SLC36A1: variants seen among roughly 807,000 people sequenced by gnomAD.
SLC36A1 encodes the protein solute carrier family 36 member 1.
Under a neutral mutation model 47.5 loss-of-function variants are expected in SLC36A1, and 30 were observed. The observed-to-expected ratio is 0.63, with a 90% CI of 0.47 to 0.86. SLC36A1 has a LOEUF of 0.86. SLC36A1 is among the 40% of genes least tolerant of loss of function. The probability of loss-of-function intolerance (pLI) is 0.00; values close to 1 mark genes in which losing one functional copy is unlikely to be tolerated. For missense variants in SLC36A1, 517 were observed against 606.0 expected (o/e 0.85, Z 1.54); for synonymous variants, 255 against 249.7 (o/e 1.02, Z -0.20).
chr5:151,356,876 G>A, the SLC36A1 span, among the ~76,000 whole-genome samples: 1 of 152,022 alleles, frequency 6.6e-6, no homozygotes, highest in Non-Finnish European at 1.5e-5. Flanking sequence ...ATTCCTTATT[G>A]TGGATCAATA....
intron 8 of SLC36A1, among the ~76,000 whole-genome samples, 182 bp downstream of exon 8, chr5:151,473,953 A>C (rs557840052): frequency 5.9e-5 from 9 of 152,060 alleles, no homozygotes; most frequent in African/African-American, 2.2e-4. Context: ...TGAGGTCAGG[A>C]GTTCGAAACC....
the SLC36A1 span, among the ~76,000 whole-genome samples, chr5:151,361,669 A>G: frequency 9.7e-3 from 1,474 of 152,304 alleles, 30 homozygotes; most frequent in African/African-American, 0.034. Context: ...TACTTTTATC[A>G]GTAGGTTTTA....
At chr5:151,372,448 T>A in the SLC36A1 span, among the ~76,000 whole-genome samples, 2,294 of 148,846 alleles carry the variant, frequency 0.015, 42 homozygotes, top group African/African-American at 0.046. Flanking sequence ...CATTAAAAAT[T>A]TTTTTTTTTT....
chr5:151,464,866 C>A (rs1239803925), intron 4 of SLC36A1, among the ~76,000 whole-genome samples: 1 of 152,168 alleles, frequency 6.6e-6, no homozygotes, highest in Admixed American at 6.5e-5. Flanking sequence ...TGAAATGATT[C>A]TACCAGATGG....
chr5:151,488,396 C>T lies in SLC36A1; in HGVS notation c.*142C>T, dbSNP rs1426048551. 8.8e-7 allele frequency: 1 copy of T among 1,134,014 alleles called. No individual in the cohort carries two copies. Among genetic ancestry groups the T allele is most frequent in the African/African-American group, 1.6e-5 (1 of 63,530 alleles). The allele number at this position is 1,134,014 out of a possible 1,614,324, so 70.2% of individuals were successfully genotyped here. A position where few individuals can be genotyped will look rare whatever the true frequency, so the allele number is the denominator to read the frequency against. ...ACCCCTCTGCCTGGCACCTGGATAC[C>T]CTGGGCCAGGTAACCTGAGGGCAGG... On this transcript the variant is annotated 3_prime_UTR_variant, in exon 11 of 11. Transcript: ENST00000243389.
chr5:151,494,161 G>T (rs1391881714), downstream of SLC36A1, among the ~76,000 whole-genome samples: 2 of 152,082 alleles, frequency 1.3e-5, no homozygotes, highest in African/African-American at 4.8e-5. Flanking sequence ...ACTGAATTTG[G>T]ACCCTAAGCC....
At chr5:151,358,558 C>T in the SLC36A1 span, among the ~76,000 whole-genome samples, 1 of 152,198 alleles carries the variant, frequency 6.6e-6, no homozygotes, top group Non-Finnish European at 1.5e-5. Flanking sequence ...CACTTCTCAT[C>T]TGGTGCTTGT....
the SLC36A1 span, chr5:151,521,255 T>C: frequency 6.3e-7 from 1 of 1,578,660 alleles, no homozygotes; most frequent in Non-Finnish European, 8.6e-7. Flanking sequence ...TGCTCGTCCC[T>C]AGGGAAGATG....
the SLC36A1 span, among the ~76,000 whole-genome samples, chr5:151,369,992 G>A: frequency 6.6e-6 from 1 of 151,498 alleles, no homozygotes; most frequent in East Asian, 1.9e-4. Context: ...ATGGGGTTGG[G>A]GTTTTCCCAT....
At chr5:151,518,811 C>A in the SLC36A1 span, among the ~76,000 whole-genome samples, 1 of 152,200 alleles carries the variant, frequency 6.6e-6, no homozygotes, top group East Asian at 1.9e-4. Flanking sequence ...TTCTGTTGAA[C>A]CCCCTTTGGG....
At chr5:151,460,856 G>A (rs1755400963) in intron 2 of SLC36A1, among the ~76,000 whole-genome samples, 2 of 149,376 alleles carry the variant, frequency 1.3e-5, no homozygotes, top group Non-Finnish European at 3.0e-5. Flanking sequence ...CAAAATACAT[G>A]GAAGTACTTC....
At chr5:151,466,029 A>G (rs1756317256) in intron 5 of SLC36A1, among the ~76,000 whole-genome samples, 1 of 151,838 alleles carries the variant, frequency 6.6e-6, no homozygotes, top group Non-Finnish European at 1.5e-5. Flanking sequence ...ACTTTCATTC[A>G]TAGTCACCTT....
chr5:151,540,752 GGGGGTCTCC>G, the SLC36A1 span: 1 of 1,613,776 alleles, frequency 6.2e-7, no homozygotes, highest in South Asian at 1.1e-5. Context: ...AACTGGCCCA[GGGGGTCTCC>G]CTCTAAACAG....
intron 4 of SLC36A1, among the ~76,000 whole-genome samples, 166 bp from the exon 5 acceptor site, chr5:151,464,908 C>T (rs1756114476): frequency 6.6e-6 from 1 of 152,108 alleles, no homozygotes. Flanking sequence ...ACCATCCTGT[C>T]GACTGAATAC....
At chr5:151,348,605 T>G in the SLC36A1 span, among the ~76,000 whole-genome samples, 2 of 152,240 alleles carry the variant, frequency 1.3e-5, no homozygotes. Flanking sequence ...CAATTTTGAA[T>G]GGACAATTTT....
chr5:151,531,017 C>T, the SLC36A1 span, among the ~76,000 whole-genome samples: 1 of 152,196 alleles, frequency 6.6e-6, no homozygotes, highest in African/African-American at 2.4e-5. This position sits in a 1 kb window ranked among gnomAD's most constrained non-coding sequence, Gnocchi z 5.7. Context: ...ACAGGCTGAC[C>T]TGGGTGGCCT....
At chr5:151,369,731 C>T in the SLC36A1 span, among the ~76,000 whole-genome samples, 1 of 152,244 alleles carries the variant, frequency 6.6e-6, no homozygotes, top group Non-Finnish European at 1.5e-5. Context: ...ATCCTCTCAC[C>T]TCAGCCTACC....
rs371200731 is a variant in SLC36A1, at chr5:151,488,189, C to G, written c.1366C>G (p.Leu456Val). Residue 456 changes from leucine to valine, a missense_variant, in exon 11 of 11, where the codon CTC (leucine) becomes GTC (valine). Physicochemically the swap from Leu to Val is conservative, Grantham distance 32. Coordinates refer to ENST00000243389, the MANE Select transcript of SLC36A1 (RefSeq NM_078483.4). ...CTTTGTGGTGGGGACCTATGAGGCT[C>G]TCTATGAGCTGATCCAGCCAAGCAA... ...VGFVVGTYEALYELIQPSNAP... is the reference protein window; with the variant it reads ...VGFVVGTYEAVYELIQPSNAP... The G allele has an allele frequency of 2.4e-5, 39 of 1,614,078 alleles. No individual in the cohort carries two copies. The highest frequency in any genetic ancestry group is 3.1e-5 in the Non-Finnish European group (37 of 1,180,046).
the SLC36A1 span, chr5:151,542,619 C>G: frequency 1.2e-6 from 2 of 1,614,212 alleles, no homozygotes; most frequent in Non-Finnish European, 8.5e-7. Flanking sequence ...GGTCTGCAGA[C>G]AGCCTGTAGC....
Sources: gnomAD v4.1 joint callset for allele counts (sites outside exome capture counted in the v4.1 genomes callset) on GRCh38, gnomAD v4.1.1 for gene constraint, Gnocchi (gnomAD v3.1) non-coding constraint, MANE v1.5 for transcripts, NCBI Gene and HGNC (gene_info 2026-07-23, HGNC 2026-07-21) for gene names.